IL17C: variants seen among roughly 807,000 people sequenced by gnomAD.
IL17C encodes interleukin 17C.
A neutral mutation model predicts 11.0 loss-of-function variants in IL17C; 13 were observed. That is an observed-to-expected ratio of 1.18 (90% CI 0.77 to 1.88). The LOEUF (loss-of-function observed/expected upper bound fraction) is 1.88. Ranked by LOEUF, IL17C falls within the 40% of genes most tolerant of loss-of-function variation. The pLI, the probability that IL17C is intolerant of heterozygous loss-of-function variation, is 0.00. For synonymous variants in IL17C, 150 were observed against 125.8 expected (o/e 1.19, Z -1.29); for missense variants, 357 against 278.2 (o/e 1.28, Z -2.01).
chr16:88,639,431 G>GC lies in IL17C; in HGVS notation c.335+123dup. 1 of 978,404 alleles carries GC rather than the reference G, an allele frequency of 1.0e-6. No homozygotes were observed. The highest frequency in any genetic ancestry group is 2.7e-5 in the East Asian group (1 of 37,144). The allele number at this position is 978,404 out of a possible 1,614,324, so 60.6% of individuals were successfully genotyped here. ...CTGTCAAGTGGGCGTGGCCACCTGAGCTCCCTCCCTCCGGCCCTCCTGACC... is the reference window on the plus strand; with the variant it reads ...CTGTCAAGTGGGCGTGGCCACCTGAGCCTCCCTCCCTCCGGCCCTCCTGACC... On this transcript the variant is annotated intron_variant, in intron 2 of 2. Coordinates refer to ENST00000244241, the MANE Select transcript of IL17C (RefSeq NM_013278.4). This position sits in a 1 kb window ranked among gnomAD's most constrained non-coding sequence, Gnocchi z 5.1.
In IL17C at chr16:88,639,443, C is replaced by T. The variant is rs1287969069; in HGVS notation, c.335+134C>T. 1 of 890,210 alleles carries T rather than the reference C, an allele frequency of 1.1e-6. No individual in the cohort carries two copies. The highest frequency in any genetic ancestry group is 1.7e-6 in the Non-Finnish European group (1 of 604,264). 55.1% of individuals were successfully genotyped at this position (890,210 alleles called of 1,614,324 possible). Reference sequence around the variant, plus strand: ...CGTGGCCACCTGAGCTCCCTCCCTCCGGCCCTCCTGACCTGGACGGCTGAG... The same window carrying T: ...CGTGGCCACCTGAGCTCCCTCCCTCTGGCCCTCCTGACCTGGACGGCTGAG... On this transcript the variant is annotated intron_variant, in intron 2 of 2. Coordinates refer to ENST00000244241, the MANE Select transcript of IL17C (RefSeq NM_013278.4). The surrounding 1 kb of genome is among the most constrained non-coding windows in gnomAD (Gnocchi z 5.1).
intron 1 of IL17C, 81 bp from the exon 2 acceptor site, chr16:88,638,900 G>T: frequency 7.5e-7 from 1 of 1,340,364 alleles, no homozygotes. Context: ...TCTTTCCGCT[G>T]GGAACAAGGA....
In IL17C at chr16:88,640,211, A is replaced by AGTGGGGG; in HGVS notation, c.*140_*141insTGGGGGG. 1.1e-6 allele frequency: 1 copy of AGTGGGGG among 951,658 alleles called. No individual in the cohort carries two copies. The highest frequency in any genetic ancestry group is 1.5e-6 in the Non-Finnish European group (1 of 660,872). 59.0% of individuals were successfully genotyped at this position (951,658 alleles called of 1,614,324 possible). The stretch of plus-strand genomic sequence containing the variant: ...TGGGCATTCCCCGTGTCTGGAGGAC[A>AGTGGGGG]GCCCCCCACTGTTCTCCTCATCTCC... On this transcript the variant is annotated 3_prime_UTR_variant, in exon 3 of 3. Transcript: ENST00000244241.
Position 88,639,407 on chromosome 16 carries a change from T to C in IL17C, c.335+98T>C. ...TCTCTGGGCCTTGGTGGTTCTCACC[T>C]GTCAAGTGGGCGTGGCCACCTGAGC... On this transcript the variant is annotated intron_variant, in intron 2 of 2. Transcript: ENST00000244241. The surrounding 1 kb of genome is among the most constrained non-coding windows in gnomAD (Gnocchi z 5.1). 1.6e-6 allele frequency: 2 copies of C among 1,223,218 alleles called. No individual in the cohort carries two copies. Among genetic ancestry groups the C allele is most frequent in the Non-Finnish European group, 1.1e-6 (1 of 904,766 alleles). The allele number at this position is 1,223,218 out of a possible 1,614,324, so 75.8% of individuals were successfully genotyped here.
Position 88,639,380 on chromosome 16 carries a change from G to A in IL17C, c.335+71G>A. 3 of 1,410,018 alleles carry A rather than the reference G, an allele frequency of 2.1e-6. No individual in the cohort carries two copies. The highest frequency in any genetic ancestry group is 1.4e-5 in the African/African-American group (1 of 69,914). The allele number at this position is 1,410,018 out of a possible 1,614,324, so 87.3% of individuals were successfully genotyped here. On this transcript the variant is annotated intron_variant, in intron 2 of 2. Coordinates refer to ENST00000244241, the MANE Select transcript of IL17C (RefSeq NM_013278.4). The surrounding 1 kb of genome is among the most constrained non-coding windows in gnomAD (Gnocchi z 5.1). ...TGGCGGGGCCCTGACTGCCCGGAGA[G>A]CTCTCTGGGCCTTGGTGGTTCTCAC... is the stretch of plus-strand genomic sequence containing the variant.
chr16:88,640,343 C>T lies in IL17C; in HGVS notation c.*271C>T, dbSNP rs909833698. 51 of 430,412 alleles carry T rather than the reference C, an allele frequency of 1.2e-4. No individual in the cohort carries two copies. The highest frequency in any genetic ancestry group is 8.7e-4 in the African/African-American group (43 of 49,598). 26.7% of individuals were successfully genotyped at this position (430,412 alleles called of 1,614,324 possible). On this transcript the variant is annotated 3_prime_UTR_variant, in exon 3 of 3. Coordinates refer to ENST00000244241, the MANE Select transcript of IL17C (RefSeq NM_013278.4). ...GTACCTTGGCTCCCTGTCCTGCTCCCGGCTTCCCTTACCCTATCACTGGCC... is the reference window on the plus strand; with the variant it reads ...GTACCTTGGCTCCCTGTCCTGCTCCTGGCTTCCCTTACCCTATCACTGGCC...
In IL17C at chr16:88,640,141, A is replaced by C; in HGVS notation, c.*69A>C. 1.4e-6 allele frequency: 2 copies of C among 1,460,780 alleles called. No homozygotes were observed. Among genetic ancestry groups the C allele is most frequent in the Non-Finnish European group, 1.8e-6 (2 of 1,095,854 alleles). 90.5% of individuals were successfully genotyped at this position (1,460,780 alleles called of 1,614,324 possible). ...CAGAGGGCACCCCCTATTTATGTGT[A>C]TTTATTGTTATTTATATGCCTCCCC... On this transcript the variant is annotated 3_prime_UTR_variant, in exon 3 of 3. Coordinates refer to ENST00000244241, the MANE Select transcript of IL17C (RefSeq NM_013278.4).
Position 88,639,454 on chromosome 16 carries a change from A to G in IL17C, c.335+145A>G. ...GAGCTCCCTCCCTCCGGCCCTCCTG[A>G]CCTGGACGGCTGAGCTGCTGCTTGC... is the stretch of plus-strand genomic sequence containing the variant. On this transcript the variant is annotated intron_variant, in intron 2 of 2. Transcript: ENST00000244241. The surrounding 1 kb of genome is among the most constrained non-coding windows in gnomAD (Gnocchi z 5.1). 1.2e-6 allele frequency: 1 copy of G among 835,718 alleles called. No homozygotes were observed. Among genetic ancestry groups the G allele is most frequent in the Non-Finnish European group, 1.8e-6 (1 of 556,142 alleles). 51.8% of individuals were successfully genotyped at this position (835,718 alleles called of 1,614,324 possible). A position where few individuals can be genotyped will look rare whatever the true frequency, so the allele number is the denominator to read the frequency against.
In IL17C at chr16:88,639,957, G is replaced by A. The variant is rs200422452; in HGVS notation, c.479G>A (p.Arg160His). Residue 160 changes from arginine (R) to histidine (H), a missense_variant, in exon 3 of 3, where the codon CGC becomes CAC. Arg to His is a conservative substitution (Grantham distance 29). Coordinates refer to ENST00000244241, the MANE Select transcript of IL17C (RefSeq NM_013278.4). The surrounding 1 kb of genome is among the most constrained non-coding windows in gnomAD (Gnocchi z 5.1). ...RLLQSLLVLR[R>H]RPCSRDGSGL... ...CTCCAGAGCCTGCTGGTGCTGCGCC[G>A]CCGGCCCTGCTCCCGCGACGGCTCG... is the stretch of plus-strand genomic sequence containing the variant. The A allele has an allele frequency of 2.2e-5, 36 of 1,609,960 alleles. No homozygotes were observed. The highest frequency in any genetic ancestry group is 1.1e-4 in the East Asian group (5 of 44,824).
Position 88,639,761 on chromosome 16 carries a change from C to A in IL17C, c.336-53C>A. The A allele has an allele frequency of 6.8e-7, 1 of 1,468,732 alleles. No individual in the cohort carries two copies. Among genetic ancestry groups the A allele is most frequent in the South Asian group, 1.4e-5 (1 of 73,476 alleles). 91.0% of individuals were successfully genotyped at this position (1,468,732 alleles called of 1,614,324 possible). A position where few individuals can be genotyped will look rare whatever the true frequency, so the allele number is the denominator to read the frequency against. ...GAGAGGGGCCCTGAGGGGAGAGGGG[C>A]CTCCAGGAGGACAGGGTAGGGCCAG... On this transcript the variant is annotated intron_variant, in intron 2 of 2. Coordinates refer to ENST00000244241, the MANE Select transcript of IL17C (RefSeq NM_013278.4). The surrounding 1 kb of genome is among the most constrained non-coding windows in gnomAD (Gnocchi z 5.1).
In IL17C at chr16:88,640,091, C is replaced by G; in HGVS notation, c.*19C>G. ...AGTGTGACCGCCGAGGCCGTGGGGC[C>G]CCTAGACTGGACACGTGTGCTCCCC... On this transcript the variant is annotated 3_prime_UTR_variant, in exon 3 of 3. Transcript: ENST00000244241. 1 of 1,530,622 alleles carries G rather than the reference C, an allele frequency of 6.5e-7. No individual in the cohort carries two copies. Among genetic ancestry groups the G allele is most frequent in the Non-Finnish European group, 8.8e-7 (1 of 1,138,120 alleles). The allele number at this position is 1,530,622 out of a possible 1,614,324, so 94.8% of individuals were successfully genotyped here.
rs1906978773 is a variant in IL17C, at chr16:88,639,124, C to T, written c.150C>T (p.His50=). The change falls in exon 2 of 3, where the codon CAC becomes CAT. Residue 50 remains histidine, a synonymous_variant. Coordinates refer to ENST00000244241, the MANE Select transcript of IL17C (RefSeq NM_013278.4). This position sits in a 1 kb window ranked among gnomAD's most constrained non-coding sequence, Gnocchi z 5.1. ...EELPLGQAPP[H]LLARGAKWGQ... ...TGCCCCTCGGCCAGGCCCCCCCACACCTGCTGGCTCGAGGTGCCAAGTGGG... is the reference window on the plus strand; with the variant it reads ...TGCCCCTCGGCCAGGCCCCCCCACATCTGCTGGCTCGAGGTGCCAAGTGGG... The T allele has an allele frequency of 6.2e-7, 1 of 1,612,986 alleles. No homozygotes were observed. Among genetic ancestry groups the T allele is most frequent in the Admixed American group, 1.7e-5 (1 of 59,998 alleles).
intron 1 of IL17C, 62 bp from the exon 2 acceptor site, chr16:88,638,919 G>A: frequency 1.4e-6 from 2 of 1,407,244 alleles, no homozygotes; most frequent in Middle Eastern, 1.8e-4. Context: ...GAAAGCTGAG[G>A]TGGAAGTGAG....
Position 88,640,194 on chromosome 16 carries a change from C to G in IL17C, c.*122C>G, listed in dbSNP as rs1340592884. The G allele has an allele frequency of 8.6e-7, 1 of 1,167,846 alleles. No individual in the cohort carries two copies. Among genetic ancestry groups the G allele is most frequent in the Admixed American group, 2.7e-5 (1 of 36,468 alleles). The allele number at this position is 1,167,846 out of a possible 1,614,324, so 72.3% of individuals were successfully genotyped here. On this transcript the variant is annotated 3_prime_UTR_variant, in exon 3 of 3. Transcript: ENST00000244241. ...ACACTACCCTTGGGGTCTGGGCATTCCCCGTGTCTGGAGGACAGCCCCCCA... is the reference window on the plus strand; with the variant it reads ...ACACTACCCTTGGGGTCTGGGCATTGCCCGTGTCTGGAGGACAGCCCCCCA...
chr16:88,639,103 C>T lies in IL17C; in HGVS notation c.129C>T (p.Pro43=). 6.2e-7 allele frequency: 1 copy of T among 1,613,220 alleles called. No individual in the cohort carries two copies. Among genetic ancestry groups the T allele is most frequent in the Non-Finnish European group, 8.5e-7 (1 of 1,179,938 alleles). Residue 43 remains proline (P), a synonymous_variant, in exon 2 of 3, where the codon CCC becomes CCT. Transcript: ENST00000244241. The surrounding 1 kb of genome is among the most constrained non-coding windows in gnomAD (Gnocchi z 5.1). The part of the protein sequence containing the change: ...TPHCYSAEEL[P]LGQAPPHLLA... ...ACTGCTACTCGGCTGAGGAACTGCC[C>T]CTCGGCCAGGCCCCCCCACACCTGC...
rs1907023500 is a variant in IL17C, at chr16:88,640,250, G to C, written c.*178G>C. Reference sequence around the variant, plus strand: ...CTCCTCATCTCCAGCCTCAGTAGTTGGGGGTAGAAGGAGCTCAGCACCTCT... The same window carrying C: ...CTCCTCATCTCCAGCCTCAGTAGTTCGGGGTAGAAGGAGCTCAGCACCTCT... On this transcript the variant is annotated 3_prime_UTR_variant, in exon 3 of 3. Transcript: ENST00000244241. 1.6e-6 allele frequency: 1 copy of C among 643,114 alleles called. No individual in the cohort carries two copies. Among genetic ancestry groups the C allele is most frequent in the African/African-American group, 1.9e-5 (1 of 53,970 alleles). 39.8% of individuals were successfully genotyped at this position (643,114 alleles called of 1,614,324 possible).
chr16:88,639,177 C>T lies in IL17C; in HGVS notation c.203C>T (p.Ser68Phe). ...CAGGCTTTGCCTGTAGCCCTGGTGT[C>T]CAGCCTGGAGGCAGCAAGCCACAGG... The part of the protein sequence containing the change: ...WGQALPVALV[S>F]SLEAASHRGR... The change falls in exon 2 of 3, where the codon TCC becomes TTC. Residue 68 changes from serine (S) to phenylalanine (F), a missense_variant. Physicochemically the swap from Ser to Phe is radical, Grantham distance 155. Transcript: ENST00000244241. The surrounding 1 kb of genome is among the most constrained non-coding windows in gnomAD (Gnocchi z 5.1). 3 of 1,612,868 alleles carry T rather than the reference C, an allele frequency of 1.9e-6. No individual in the cohort carries two copies. Among genetic ancestry groups the T allele is most frequent in the Non-Finnish European group, 2.5e-6 (3 of 1,179,912 alleles).
In IL17C at chr16:88,639,914, C is replaced by T. The variant is rs1907009577; in HGVS notation, c.436C>T (p.Leu146Phe). ...ACGGACGGGCCGCGAGACAGCTGCGCTCAACTCCGTGCGGCTGCTCCAGAG... is the reference window on the plus strand; with the variant it reads ...ACGGACGGGCCGCGAGACAGCTGCGTTCAACTCCGTGCGGCTGCTCCAGAG... ...DARTGRETAA[L>F]NSVRLLQSLL... The change falls in exon 3 of 3, where the codon CTC becomes TTC. Residue 146 changes from leucine (L) to phenylalanine (F), a missense_variant. Physicochemically the swap from Leu to Phe is conservative, Grantham distance 22. Transcript: ENST00000244241. The surrounding 1 kb of genome is among the most constrained non-coding windows in gnomAD (Gnocchi z 5.1). 3 of 1,610,382 alleles carry T rather than the reference C, an allele frequency of 1.9e-6. No homozygotes were observed. The highest frequency in any genetic ancestry group is 1.1e-5 in the South Asian group (1 of 91,014).
At position 88,639,158 on chromosome 16, in the gene IL17C, T is replaced by G. The variant is rs369937624; in HGVS notation, c.184T>G (p.Leu62Val). Residue 62 changes from leucine to valine, a missense_variant, in exon 2 of 3, where the codon TTG (leucine) becomes GTG (valine). By Grantham distance (32) the Leu-to-Val change is conservative (BLOSUM62 1). Coordinates refer to ENST00000244241, the MANE Select transcript of IL17C (RefSeq NM_013278.4). The surrounding 1 kb of genome is among the most constrained non-coding windows in gnomAD (Gnocchi z 5.1). Reference protein sequence around the residue: ...LARGAKWGQALPVALVSSLEA... With the variant: ...LARGAKWGQAVPVALVSSLEA... ...TCGAGGTGCCAAGTGGGGGCAGGCT[T>G]TGCCTGTAGCCCTGGTGTCCAGCCT... 1 of 1,612,808 alleles carries G rather than the reference T, an allele frequency of 6.2e-7. No homozygotes were observed. The highest frequency in any genetic ancestry group is 1.3e-5 in the African/African-American group (1 of 74,936).
Sources: gnomAD v4.1 joint callset for allele counts on GRCh38, gnomAD v4.1.1 for gene constraint, Gnocchi (gnomAD v3.1) non-coding constraint, MANE v1.5 for transcripts, NCBI Gene and HGNC (gene_info 2026-07-23, HGNC 2026-07-21) for gene names.